The following BNC2 variants were observed in gnomAD, a reference collection of about 807,000 sequenced individuals.
The protein encoded by BNC2 is zinc finger protein basonuclin-2.
BNC2 carries 20 observed loss-of-function variants against 76.3 expected under a neutral mutation model. The observed-to-expected ratio is 0.26, with a 90% CI of 0.18 to 0.38. The LOEUF (loss-of-function observed/expected upper bound fraction) is 0.38, where lower values mean the gene tolerates loss of function less well. BNC2 is among the 10% of genes least tolerant of loss of function. BNC2 has a pLI of 1.00. For missense variants in BNC2, 1,382 were observed against 1,399.8 expected, an observed-to-expected ratio of 0.99 and a Z score of 0.20; for synonymous variants, 582 against 514.8, an observed-to-expected ratio of 1.13 and a Z score of -1.77.
At chr9:16,486,828 C>T (rs752172372) in intron 5 of BNC2, among the ~76,000 whole-genome samples, 14 of 151,994 alleles carry the variant, frequency 9.2e-5, no homozygotes, top group African/African-American at 2.2e-4. Context: ...TGGGCTCAAG[C>T]GATCCTCCTG....
intron 1 of BNC2, among the ~76,000 whole-genome samples, chr9:16,814,479 C>A (rs1455656320): frequency 6.6e-6 from 1 of 152,126 alleles, no homozygotes; most frequent in Non-Finnish European, 1.5e-5. Flanking sequence ...TTTCATAAAC[C>A]ACTATTTGCT....
chr9:16,478,904 T>C (rs1247373095), intron 5 of BNC2, among the ~76,000 whole-genome samples: 3 of 152,102 alleles, frequency 2.0e-5, no homozygotes, highest in Non-Finnish European at 4.4e-5. Context: ...AGATGACCAA[T>C]AAGCAAATGG....
intron 1 of BNC2, among the ~76,000 whole-genome samples, chr9:16,765,417 T>C (rs368731355): frequency 3.3e-5 from 5 of 152,342 alleles, no homozygotes; most frequent in African/African-American, 1.2e-4. Context: ...TTTTGGTTTC[T>C]AAACAGATGG....
chr9:16,493,674 A>C (rs1822324018), intron 5 of BNC2, among the ~76,000 whole-genome samples: 1 of 152,218 alleles, frequency 6.6e-6, no homozygotes, highest in African/African-American at 2.4e-5. Context: ...TGGAAGAGCT[A>C]GGCAAAAGGA....
intron 3 of BNC2, among the ~76,000 whole-genome samples, chr9:16,715,249 G>T (rs573104843): frequency 6.6e-6 from 1 of 152,114 alleles, no homozygotes. Flanking sequence ...TAAATTATTT[G>T]ACTATTTTTT....
At chr9:16,508,417 G>A (rs7025065) in intron 5 of BNC2, among the ~76,000 whole-genome samples, 2 of 152,000 alleles carry the variant, frequency 1.3e-5, no homozygotes, top group Admixed American at 6.6e-5. Flanking sequence ...ACAGTCCTTC[G>A]ATCTCTCACT....
At chr9:16,569,777 T>G (rs894138881) in intron 4 of BNC2, among the ~76,000 whole-genome samples, 4 of 152,298 alleles carry the variant, frequency 2.6e-5, no homozygotes, top group Admixed American at 1.3e-4. Flanking sequence ...AATTTGACAG[T>G]AGATCTAAGA....
At chr9:16,536,151 A>T (rs1233483165) in intron 5 of BNC2, among the ~76,000 whole-genome samples, 1 of 151,564 alleles carries the variant, frequency 6.6e-6, no homozygotes, top group East Asian at 1.9e-4. Flanking sequence ...TACTCACTTT[A>T]AAAAAAAATC....
intron 4 of BNC2, among the ~76,000 whole-genome samples, chr9:16,578,927 T>G (rs1490526769): frequency 3.9e-5 from 6 of 152,168 alleles, no homozygotes; most frequent in African/African-American, 1.2e-4. Context: ...AATTAGAAAT[T>G]CTGAGCCATT....
intron 4 of BNC2, among the ~76,000 whole-genome samples, chr9:16,557,906 G>A (rs1196016834): frequency 2.0e-5 from 3 of 151,300 alleles, no homozygotes; most frequent in African/African-American, 4.9e-5. Flanking sequence ...TATGACCCAC[G>A]TTGGAGTGCA....
At chr9:16,595,361 T>C (rs973981165) in intron 3 of BNC2, among the ~76,000 whole-genome samples, 2 of 152,148 alleles carry the variant, frequency 1.3e-5, no homozygotes, top group Admixed American at 6.6e-5. Context: ...AATAGTGATA[T>C]GATGAACAGT....
rs1740583214 is a variant in BNC2 at position 16,416,284 on chromosome 9, A to G, written c.*2705T>C. ...CTACATGTAGTCTATGCACACTGCA[A>G]AAGCCAGAGTTTCTATAATGTTTTG... On this transcript the variant is annotated 3_prime_UTR_variant, in exon 7 of 7. Transcript: ENST00000380672. 2.0e-5 allele frequency: 3 copies of G among 152,646 alleles called. No homozygotes were observed. The South Asian group carries it at 6.2e-4, about 32-fold the overall frequency. 9.5% of individuals were successfully genotyped at this position (152,646 alleles called of 1,614,324 possible). A position where few individuals can be genotyped will look rare whatever the true frequency, so the allele number is the denominator to read the frequency against.
intron 5 of BNC2, among the ~76,000 whole-genome samples, chr9:16,546,455 T>C (rs77676103): frequency 0.026 from 3,963 of 152,266 alleles, 136 homozygotes; most frequent in South Asian, 0.18. Flanking sequence ...AGCTGAAATC[T>C]TACTAACTAG....
intron 5 of BNC2, among the ~76,000 whole-genome samples, chr9:16,457,868 C>T (rs1227866377): frequency 3.9e-5 from 6 of 152,044 alleles, no homozygotes; most frequent in Non-Finnish European, 8.8e-5. Flanking sequence ...CCCTTTTTTC[C>T]ACACCTTCCC....
chr9:16,798,787 G>A (rs1162378807), intron 1 of BNC2, among the ~76,000 whole-genome samples: 1 of 152,004 alleles, frequency 6.6e-6, no homozygotes, highest in Non-Finnish European at 1.5e-5. Flanking sequence ...TACACTGAAT[G>A]GGCAATATAA....
At chr9:16,697,480 G>A (rs1271263231) in intron 3 of BNC2, among the ~76,000 whole-genome samples, 1 of 152,138 alleles carries the variant, frequency 6.6e-6, no homozygotes, top group Non-Finnish European at 1.5e-5. Context: ...CTAGCACTTT[G>A]GGAGGCTGAG....
At chr9:16,856,304 A>C (rs966709253) in intron 1 of BNC2, among the ~76,000 whole-genome samples, 2 of 132,074 alleles carry the variant, frequency 1.5e-5, no homozygotes, top group Non-Finnish European at 3.2e-5. Flanking sequence ...CACACACACA[A>C]ATTCCAGCAT....
At chr9:16,534,855 G>A (rs933960693) in intron 5 of BNC2, among the ~76,000 whole-genome samples, 2 of 152,074 alleles carry the variant, frequency 1.3e-5, no homozygotes, top group African/African-American at 4.8e-5. Context: ...GCTCTGAAAC[G>A]TAACTAAATA....
intron 2 of BNC2, among the ~76,000 whole-genome samples, chr9:16,734,742 A>C (rs1824615340): frequency 6.6e-6 from 1 of 152,218 alleles, no homozygotes; most frequent in South Asian, 2.1e-4. Context: ...AAAAAATAAT[A>C]ACCACTCACC....
Sources: allele counts gnomAD v4.1 joint callset (sites outside exome capture counted in the v4.1 genomes callset), GRCh38; gene constraint gnomAD v4.1.1; transcripts MANE v1.5; gene names NCBI Gene and HGNC (gene_info 2026-07-23, HGNC 2026-07-21).